CNTNAP3B: variants seen among roughly 807,000 people sequenced by gnomAD.
CNTNAP3B encodes the protein contactin-associated protein-like 3B.
Under a neutral mutation model 108.9 loss-of-function variants are expected in CNTNAP3B, and 25 were observed. The ratio of observed to expected loss-of-function variants is 0.23; its 90% CI spans 0.17 to 0.32. The LOEUF is 0.32. Among genes scored for constraint, CNTNAP3B ranks in the 10% least tolerant of loss-of-function variants. The pLI is 1.00. For missense variants in CNTNAP3B, 252 were observed against 1,210.4 expected, an observed-to-expected ratio of 0.21 and a Z score of 11.75; for synonymous variants, 103 against 473.4, an observed-to-expected ratio of 0.22 and a Z score of 10.16.
At chr9:41,953,073 C>T in intron 13 of CNTNAP3B, 110 bp downstream of exon 13, 2 of 1,263,298 alleles carry the variant, frequency 1.6e-6, no homozygotes, top group Admixed American at 6.7e-5. Flanking sequence ...GGGCTTTGAA[C>T]TAAGAGCCAC....
chr9:41,958,149 C>T (rs1824929652), intron 12 of CNTNAP3B, among the ~76,000 whole-genome samples: 1 of 152,048 alleles, frequency 6.6e-6, no homozygotes, highest in African/African-American at 2.4e-5. Context: ...TCTCTGTTGC[C>T]CAGGCTAGAG....
rs987075431 is a variant in CNTNAP3B at position 42,098,170 on chromosome 9, G to C, written c.196+6459C>G. ...ATTGGAGTTTATAAAAGCAACTTTT[G>C]ACCATTTTCTCTGTGTGTGTGTCTA... On this transcript the variant is annotated intron_variant, in intron 2 of 23. Transcript: ENST00000377561. Among the ~76,000 whole-genome samples, 8 of 138,556 alleles carry C rather than the reference G, an allele frequency of 5.8e-5. 1 individual carries two copies. Among genetic ancestry groups the C allele is most frequent in the Admixed American group, 5.7e-4 (8 of 13,952 alleles). The allele number at this position is 138,556 out of a possible 152,430, so 90.9% of individuals were successfully genotyped here.
At chr9:41,934,112 T>TATATATATATATATATATATATATAC (rs1206776352) in intron 14 of CNTNAP3B, among the ~76,000 whole-genome samples, 1 of 126,348 alleles carries the variant, frequency 7.9e-6, no homozygotes, top group African/African-American at 3.0e-5. Context: ...TATATATATA[T>TATATATATATATATATATATATATAC]ATATATATAT....
intron 9 of CNTNAP3B, among the ~76,000 whole-genome samples, chr9:41,973,195 C>T (rs1197042528): frequency 1.4e-5 from 2 of 144,864 alleles, no homozygotes; most frequent in Admixed American, 6.9e-5. Flanking sequence ...GATCCACCTG[C>T]CTCAGCCTCC....
intron 2 of CNTNAP3B, among the ~76,000 whole-genome samples, chr9:42,086,117 G>C (rs959383410): frequency 7.1e-6 from 1 of 140,594 alleles, no homozygotes; most frequent in Admixed American, 7.0e-5. Flanking sequence ...CATGGCAGAA[G>C]GCGAAAAGCA....
In CNTNAP3B at chr9:42,096,375, T is replaced by C. The variant is rs890251880; in HGVS notation, c.196+8254A>G. ...GAGATAGCAGAAAAATTAAAACACC[T>C]TTAGCCTGCTCAATTCCCTTTCAAA... On this transcript the variant is annotated intron_variant, in intron 2 of 23. Transcript: ENST00000377561. 8.5e-5 allele frequency among the ~76,000 whole-genome samples: 12 copies of C among 140,520 alleles called. 1 individual carries two copies. The highest frequency in any genetic ancestry group is 3.4e-4 in the African/African-American group (12 of 35,646). The allele number at this position is 140,520 out of a possible 152,430, so 92.2% of individuals were successfully genotyped here. A position where few individuals can be genotyped will look rare whatever the true frequency, so the allele number is the denominator to read the frequency against.
intron 2 of CNTNAP3B, among the ~76,000 whole-genome samples, chr9:42,097,162 T>C (rs1827918448): frequency 7.1e-6 from 1 of 140,386 alleles, no homozygotes. Context: ...TTGGAAAACA[T>C]TATTCTATGG....
chr9:41,935,711 G>A (rs1824136674), intron 14 of CNTNAP3B, among the ~76,000 whole-genome samples: 1 of 152,350 alleles, frequency 6.6e-6, no homozygotes, highest in African/African-American at 2.4e-5. Flanking sequence ...CCTGTCTACT[G>A]GAAGCTGCAA....
At chr9:41,979,875 C>T (rs1407972253) in intron 9 of CNTNAP3B, 4 of 128,242 alleles carry the variant, frequency 3.1e-5, no homozygotes, top group African/African-American at 1.1e-4. Context: ...AGGCGTGGGC[C>T]ACCACCTAAG....
intron 3 of CNTNAP3B, among the ~76,000 whole-genome samples, chr9:42,018,426 A>G (rs1826249928): frequency 7.2e-6 from 1 of 139,422 alleles, no homozygotes; most frequent in Non-Finnish European, 1.5e-5. Flanking sequence ...AAGGTGACTC[A>G]TGGAAACCTT....
chr9:41,978,827 TATGTGTG>T, intron 9 of CNTNAP3B, among the ~76,000 whole-genome samples: 1 of 146,082 alleles, frequency 6.8e-6, no homozygotes, highest in East Asian at 2.0e-4. Flanking sequence ...ACATGGTAAC[TATGTGTG>T]ATGTGATGGA....
rs1475525942 is a variant in CNTNAP3B at position 42,121,858 on chromosome 9, A to C, written c.85+7152T>G. On this transcript the variant is annotated intron_variant, in intron 1 of 23. Coordinates refer to ENST00000377561, the MANE Select transcript of CNTNAP3B (RefSeq NM_001201380.3). The stretch of plus-strand genomic sequence containing the variant: ...AGAGATTTTAACCTACTTGCAAGCT[A>C]ACAAATGAGTCTGCCAGTTTGTTTC... Among the ~76,000 whole-genome samples the C allele has an allele frequency of 9.2e-5, 13 of 140,688 alleles. 5 individuals are homozygous for C. Among genetic ancestry groups the C allele is most frequent in the Non-Finnish European group, 1.5e-4 (10 of 65,288 alleles). The allele number at this position is 140,688 out of a possible 152,430, so 92.3% of individuals were successfully genotyped here.
chr9:42,055,930 C>T (rs1291309408), intron 3 of CNTNAP3B, among the ~76,000 whole-genome samples: 1 of 104,948 alleles, frequency 9.5e-6, no homozygotes, highest in Non-Finnish European at 1.9e-5. Flanking sequence ...TTTTTGCTTT[C>T]CTTGTTTTCA....
intron 14 of CNTNAP3B, among the ~76,000 whole-genome samples, chr9:41,932,673 C>G (rs1271517952): frequency 2.6e-5 from 4 of 152,186 alleles, no homozygotes; most frequent in Non-Finnish European, 1.5e-5. Context: ...GCGTGCGCCA[C>G]TACGCTCAGC....
At position 41,929,393 on chromosome 9, in the gene CNTNAP3B, C is replaced by T. The variant is rs1331773542; in HGVS notation, c.2289G>A (p.Gln763=). ...LSQKEHLPVT[Q]IVMTDTGQPH... ...GTTGGCCTGTGTCTGTCATCACAAT[C>T]TGAGTGACTGGGAGGTGCTCCTTTT... The change falls in exon 15 of 24, where the codon CAG becomes CAA. Residue 763 remains glutamine, a synonymous_variant. Transcript: ENST00000377561. 6.5e-7 allele frequency: 1 copy of T among 1,542,908 alleles called. No homozygotes were observed. Among genetic ancestry groups the T allele is most frequent in the African/African-American group, 1.5e-5 (1 of 64,524 alleles).
At chr9:42,093,408 G>A (rs1043741443) in intron 2 of CNTNAP3B, among the ~76,000 whole-genome samples, 2 of 95,232 alleles carry the variant, frequency 2.1e-5, no homozygotes, top group African/African-American at 7.8e-5. Context: ...TGCTTCAGCA[G>A]CACTCAGTAG....
At chr9:41,940,688 G>A (rs1465446382) in intron 13 of CNTNAP3B, among the ~76,000 whole-genome samples, 1 of 152,144 alleles carries the variant, frequency 6.6e-6, no homozygotes, top group African/African-American at 2.4e-5. Flanking sequence ...AGCGGCGGGA[G>A]CCTGTAGTCC....
At position 42,079,659 on chromosome 9, in the gene CNTNAP3B, T is replaced by A. The variant is rs910623945; in HGVS notation, c.197-2597A>T. 1.4e-4 allele frequency among the ~76,000 whole-genome samples: 19 copies of A among 136,122 alleles called. 1 individual carries two copies. The highest frequency in any genetic ancestry group is 4.5e-4 in the East Asian group (2 of 4,416). The allele number at this position is 136,122 out of a possible 152,430, so 89.3% of individuals were successfully genotyped here. A position where few individuals can be genotyped will look rare whatever the true frequency, so the allele number is the denominator to read the frequency against. On this transcript the variant is annotated intron_variant, in intron 2 of 23. Transcript: ENST00000377561. ...GCCTCAGCCACCCAAGTAGCCGGGA[T>A]TACAGGTACATGCCACCACGCCCAG...
intron 13 of CNTNAP3B, among the ~76,000 whole-genome samples, chr9:41,950,048 C>A (rs937221392): frequency 8.1e-6 from 1 of 123,130 alleles, no homozygotes; most frequent in Non-Finnish European, 1.7e-5. Flanking sequence ...CAAATCCAAA[C>A]AATCCAATTA....
Sources: gnomAD v4.1 joint callset for allele counts (sites outside exome capture counted in the v4.1 genomes callset) on GRCh38, gnomAD v4.1.1 for gene constraint, MANE v1.5 for transcripts, NCBI Gene and HGNC (gene_info 2026-07-23, HGNC 2026-07-21) for gene names.